Variants in DNAH14 observed in about 807,000 individuals in gnomAD.
The protein encoded by DNAH14 is dynein axonemal heavy chain 14.
DNAH14 carries 478 observed loss-of-function variants against 520.9 expected under a neutral mutation model. That is an observed-to-expected ratio of 0.92 (90% CI 0.85 to 0.99). The LOEUF is 0.99. Among genes scored for constraint, DNAH14 ranks in the 50% least tolerant of loss-of-function variants. The pLI is 0.00. For synonymous variants in DNAH14, 1,581 were observed against 1,757.2 expected, an observed-to-expected ratio of 0.90 and a Z score of 2.51; for missense variants, 4,831 against 5,234.5, an observed-to-expected ratio of 0.92 and a Z score of 2.38.
At position 225,265,296 on chromosome 1, in the gene DNAH14, A is replaced by G; in HGVS notation, c.7337A>G (p.Lys2446Arg). ...TTTAGCACCAATGTAACAGCTGCCA[A>G]AACCAAGGAGATGATTCTTAAGAAG... is the stretch of plus-strand genomic sequence containing the variant. ...INFSTNVTAA[K>R]TKEMILKKLI... The change falls in exon 48 of 86, where the codon AAA becomes AGA. Residue 2446 changes from lysine to arginine, a missense_variant. Transcript: ENST00000682510. 1.3e-6 allele frequency: 2 copies of G among 1,545,336 alleles called. No homozygotes were observed. Among genetic ancestry groups the G allele is most frequent in the Non-Finnish European group, 1.7e-6 (2 of 1,145,292 alleles).
At position 225,340,652 on chromosome 1, in the gene DNAH14, T is replaced by G; in HGVS notation, c.10629T>G (p.Thr3543=). ...LLESISLDAI[T]LEELEEKTLN... is the part of the protein sequence containing the mutation. ...AGAGTATTTCCCTTGATGCCATAAC[T>G]CTTGAAGAACTAGAGGAAAAAACAT... The change falls in exon 69 of 86, where the codon ACT becomes ACG. Residue 3543 remains threonine, a synonymous_variant. Transcript: ENST00000682510. 1 of 1,551,376 alleles carries G rather than the reference T, an allele frequency of 6.4e-7. No homozygotes were observed. Among genetic ancestry groups the G allele is most frequent in the Non-Finnish European group, 8.7e-7 (1 of 1,146,846 alleles).
chr1:225,381,430 G>A lies in DNAH14; in HGVS notation c.12928G>A (p.Glu4310Lys), dbSNP rs1278718073. 4.5e-6 allele frequency: 7 copies of A among 1,549,862 alleles called. No individual in the cohort carries two copies. In the Admixed American group the frequency reaches 7.9e-5, roughly 18 times the overall value. ...TGTCTTGCTAACCTTTTTGAAGCAAGAAATTAAACGATTTGATAAGTTATT... is the reference window on the plus strand; with the variant it reads ...TGTCTTGCTAACCTTTTTGAAGCAAAAAATTAAACGATTTGATAAGTTATT... ...HCVLLTFLKQ[E>K]IKRFDKLLFV... Residue 4310 changes from glutamate (E) to lysine (K), a missense_variant, in exon 81 of 86, where the codon GAA becomes AAA. Transcript: ENST00000682510.
At chr1:225,295,318 TG>T (rs1377769404) in intron 55 of DNAH14, among the ~76,000 whole-genome samples, 1 of 152,196 alleles carries the variant, frequency 6.6e-6, no homozygotes, top group Non-Finnish European at 1.5e-5. Flanking sequence ...TCTTGCTTTT[TG>T]TAGTTCCCTG....
At chr1:225,383,145 G>A (rs566033556) in intron 81 of DNAH14, among the ~76,000 whole-genome samples, 122 of 152,142 alleles carry the variant, frequency 8.0e-4, no homozygotes, top group Non-Finnish European at 1.4e-3. Flanking sequence ...GTGATTATAC[G>A]AAAAACCATT....
intron 8 of DNAH14, among the ~76,000 whole-genome samples, chr1:224,982,227 G>T (rs1354927663): frequency 6.6e-6 from 1 of 152,156 alleles, no homozygotes; most frequent in Non-Finnish European, 1.5e-5. Flanking sequence ...GTTGTTATTT[G>T]TATACTAAGT....
At chr1:225,267,610 C>T (rs1040729011) in intron 49 of DNAH14, among the ~76,000 whole-genome samples, 1 of 151,972 alleles carries the variant, frequency 6.6e-6, no homozygotes, top group Non-Finnish European at 1.5e-5. Context: ...ACTTTTTAAA[C>T]AAATATAGAA....
chr1:225,050,853 A>G (rs1438019185), intron 16 of DNAH14, among the ~76,000 whole-genome samples: 1 of 152,154 alleles, frequency 6.6e-6, no homozygotes, highest in Non-Finnish European at 1.5e-5. Flanking sequence ...ACAGCAGCTG[A>G]GGGGTGGTTT....
rs58541725 is a variant in DNAH14 at position 224,996,504 on chromosome 1, G to T, written c.831-6279G>T. The stretch of plus-strand genomic sequence containing the variant: ...AGATACACCTTTCACTGTTTAGCTT[G>T]TTATTCTGAGTGGACCAACTGGTAA... On this transcript the variant is annotated intron_variant, in intron 8 of 85. Coordinates refer to ENST00000682510, the MANE Select transcript of DNAH14 (RefSeq NM_001367479.1). 4.7e-3 allele frequency among the ~76,000 whole-genome samples: 719 copies of T among 152,202 alleles called. 4 individuals are homozygous for T. The highest frequency in any genetic ancestry group is 0.016 in the African/African-American group (675 of 41,550).
At chr1:225,129,223 A>G (rs1231577060) in intron 27 of DNAH14, among the ~76,000 whole-genome samples, 12 of 132,310 alleles carry the variant, frequency 9.1e-5, no homozygotes, top group Non-Finnish European at 1.3e-4. Context: ...AATCAATATC[A>G]TGAAAATGGC....
intron 66 of DNAH14, among the ~76,000 whole-genome samples, chr1:225,335,585 A>G (rs1412836629): frequency 6.7e-6 from 1 of 149,456 alleles, no homozygotes; most frequent in Non-Finnish European, 1.5e-5. Flanking sequence ...GCATATGTGC[A>G]TATATGTATA....
chr1:224,935,288 A>G (rs889556107), intron 1 of DNAH14, among the ~76,000 whole-genome samples: 1 of 151,956 alleles, frequency 6.6e-6, no homozygotes, highest in Non-Finnish European at 1.5e-5. Flanking sequence ...TAAAAGATAT[A>G]GAATAGCTGA....
rs74147198 is a variant in DNAH14 at position 225,333,634 on chromosome 1, A to G, written c.10080+128A>G. On this transcript the variant is annotated intron_variant, in intron 66 of 85. Transcript: ENST00000682510. ...TGATAAATGAAAATATTTTGTTAAT[A>G]GTTTGTTGCAGGCCTCGATTTTTTA... The G allele has an allele frequency of 1.3e-3, 1,079 of 851,476 alleles. 5 individuals carry two copies. In the African/African-American group the frequency reaches 0.016, roughly 13 times the overall value. The allele number at this position is 851,476 out of a possible 1,614,324, so 52.7% of individuals were successfully genotyped here.
At chr1:225,089,464 A>AAAAAAAAAAAAAAAAAAAAAAAAG (rs775049047) in intron 21 of DNAH14, among the ~76,000 whole-genome samples, 10 of 138,432 alleles carry the variant, frequency 7.2e-5, no homozygotes, top group Non-Finnish European at 1.4e-4. Context: ...AAAAAAAAAA[A>AAAAAAAAAAAAAAAAAAAAAAAAG]AGAGAGCGAG....
chr1:225,359,034 C>T (rs1294796615), intron 74 of DNAH14, among the ~76,000 whole-genome samples: 2 of 152,192 alleles, frequency 1.3e-5, no homozygotes, highest in East Asian at 3.9e-4. Flanking sequence ...GGTATTTCTT[C>T]ATAGCAGTGT....
intron 38 of DNAH14, 94 bp downstream of exon 38, chr1:225,193,005 T>C: frequency 1.1e-6 from 1 of 936,344 alleles, no homozygotes. Context: ...ATTAGACATC[T>C]ATTAGTGTAA....
At chr1:225,249,554 A>G (rs1023560334) in intron 43 of DNAH14, among the ~76,000 whole-genome samples, 3 of 152,196 alleles carry the variant, frequency 2.0e-5, no homozygotes, top group Non-Finnish European at 4.4e-5. Flanking sequence ...AGGGAACCTA[A>G]GAAGAACAAA....
chr1:225,331,585 TTACTTTGGTCTTA>T lies in DNAH14; in HGVS notation c.9864+11_9864+23del, dbSNP rs1558409361. On this transcript the variant is annotated intron_variant, in intron 65 of 85. Coordinates refer to ENST00000682510, the MANE Select transcript of DNAH14 (RefSeq NM_001367479.1). ...GTCCTGGAAGATGAGAAGGCATGAC[TTACTTTGGTCTTA>T]TATCTCGTCCATAATTCCTACTGGG... 1 of 1,551,334 alleles carries T rather than the reference TTACTTTGGTCTTA, an allele frequency of 6.4e-7. No homozygotes were observed. The highest frequency in any genetic ancestry group is 8.7e-7 in the Non-Finnish European group (1 of 1,146,790).
At chr1:225,310,523 C>T (rs1355162139) in intron 60 of DNAH14, among the ~76,000 whole-genome samples, 6 of 152,038 alleles carry the variant, frequency 3.9e-5, no homozygotes, top group Non-Finnish European at 5.9e-5. Context: ...TAGGTATATA[C>T]GTGCCATGGT....
intron 10 of DNAH14, among the ~76,000 whole-genome samples, chr1:225,013,481 C>G (rs1455643651): frequency 4.6e-5 from 7 of 152,148 alleles, no homozygotes. Context: ...TCCTTTAGCA[C>G]TGTGCTGGGA....
Sources: gnomAD v4.1 joint callset for allele counts (sites outside exome capture counted in the v4.1 genomes callset) on GRCh38, gnomAD v4.1.1 for gene constraint, MANE v1.5 for transcripts, NCBI Gene and HGNC (gene_info 2026-07-23, HGNC 2026-07-21) for gene names.